ERBB4: variants seen among roughly 807,000 people sequenced by gnomAD.
ERBB4 encodes receptor tyrosine-protein kinase erbB-4.
A neutral mutation model predicts 158.0 loss-of-function variants in ERBB4; 42 were observed. That is an observed-to-expected ratio of 0.27 (90% CI 0.21 to 0.34). The LOEUF (loss-of-function observed/expected upper bound fraction) is 0.34, where lower values mean the gene tolerates loss of function less well. Among genes scored for constraint, ERBB4 ranks in the 10% least tolerant of loss-of-function variants. ERBB4 has a pLI of 1.00. For missense variants in ERBB4, 1,333 were observed against 1,624.1 expected, an observed-to-expected ratio of 0.82 and a Z score of 3.08; for synonymous variants, 583 against 558.7, an observed-to-expected ratio of 1.04 and a Z score of -0.61.
intron 20 of ERBB4, among the ~76,000 whole-genome samples, chr2:211,527,786 C>T (rs2066388153): frequency 6.6e-6 from 1 of 151,886 alleles, no homozygotes; most frequent in Non-Finnish European, 1.5e-5. Context: ...CAGCTGTTAT[C>T]AGCTAAAAAT....
At chr2:212,314,379 G>A (rs2087179479) in intron 1 of ERBB4, among the ~76,000 whole-genome samples, 1 of 149,520 alleles carries the variant, frequency 6.7e-6, no homozygotes, top group Admixed American at 6.7e-5. Flanking sequence ...TGAGTTAACA[G>A]CATCCCAAAG....
At chr2:211,576,219 G>A (rs1262308149) in intron 19 of ERBB4, among the ~76,000 whole-genome samples, 1 of 152,114 alleles carries the variant, frequency 6.6e-6, no homozygotes. Context: ...TAGTGCCTTT[G>A]TTTCAGGGGG....
chr2:212,233,644 T>C (rs1479293498), intron 1 of ERBB4, among the ~76,000 whole-genome samples: 2 of 152,168 alleles, frequency 1.3e-5, no homozygotes, highest in African/African-American at 4.8e-5. Flanking sequence ...GACTTCTTTT[T>C]AAAATTTTGT....
At chr2:211,919,748 T>C (rs2079806209) in intron 3 of ERBB4, among the ~76,000 whole-genome samples, 1 of 152,012 alleles carries the variant, frequency 6.6e-6, no homozygotes, top group Admixed American at 6.6e-5. Flanking sequence ...AAGTTGTTTA[T>C]GCATGGTCTG....
At chr2:211,410,477 A>G (rs958051120) in intron 25 of ERBB4, among the ~76,000 whole-genome samples, 1 of 152,246 alleles carries the variant, frequency 6.6e-6, no homozygotes, top group Non-Finnish European at 1.5e-5. Flanking sequence ...GAGAAAAATA[A>G]TAAGATTAAC....
At chr2:211,986,983 A>G (rs1451199842) in intron 2 of ERBB4, among the ~76,000 whole-genome samples, 1 of 152,212 alleles carries the variant, frequency 6.6e-6, no homozygotes, top group Admixed American at 6.5e-5. Context: ...AACACAAAAT[A>G]TAAATATTAA....
chr2:212,536,340 C>T (rs1012986259), intron 1 of ERBB4, among the ~76,000 whole-genome samples: 4 of 152,130 alleles, frequency 2.6e-5, no homozygotes, highest in Non-Finnish European at 5.9e-5. Flanking sequence ...AACGAAGTCC[C>T]CCGGGGCATT....
chr2:211,967,481 C>A (rs909689254), intron 2 of ERBB4, among the ~76,000 whole-genome samples: 3 of 151,952 alleles, frequency 2.0e-5, no homozygotes, highest in African/African-American at 4.8e-5. Context: ...TTTTAATTAT[C>A]ATTGGTAAGT....
At chr2:211,663,559 T>C (rs2071511564) in intron 15 of ERBB4, among the ~76,000 whole-genome samples, 1 of 152,106 alleles carries the variant, frequency 6.6e-6, no homozygotes, top group South Asian at 2.1e-4. Flanking sequence ...TCTCTTTTCA[T>C]TGCCTCATAT....
chr2:212,215,036 A>T (rs2083056632), intron 1 of ERBB4, among the ~76,000 whole-genome samples: 1 of 151,666 alleles, frequency 6.6e-6, no homozygotes, highest in Non-Finnish European at 1.5e-5. Context: ...CAAAACAGGC[A>T]AAGTTAACCT....
intron 3 of ERBB4, among the ~76,000 whole-genome samples, chr2:211,861,349 TG>T (rs773156475): frequency 0.075 from 3,317 of 44,250 alleles, 36 homozygotes; most frequent in Non-Finnish European, 0.11. Flanking sequence ...GTTTTTTTTT[TG>T]TTTTTTTTTT....
intron 1 of ERBB4, among the ~76,000 whole-genome samples, chr2:212,441,318 C>A (rs2092249622): frequency 6.6e-6 from 1 of 152,210 alleles, no homozygotes; most frequent in African/African-American, 2.4e-5. Flanking sequence ...CCTGAGGCAA[C>A]AGTGATAGCC....
At chr2:211,602,498 C>A (rs1443990543) in intron 19 of ERBB4, among the ~76,000 whole-genome samples, 2 of 152,086 alleles carry the variant, frequency 1.3e-5, no homozygotes, top group African/African-American at 4.8e-5. Context: ...ACAACTCCAA[C>A]CTGGCTAAAC....
intron 3 of ERBB4, among the ~76,000 whole-genome samples, chr2:211,905,915 T>A (rs72933735): frequency 0.064 from 9,688 of 150,218 alleles, 476 homozygotes; most frequent in Non-Finnish European, 0.093. Context: ...ACCAAAGAGG[T>A]AGGGTGTTTG....
intron 1 of ERBB4, among the ~76,000 whole-genome samples, chr2:212,442,088 C>T (rs892332544): frequency 4.6e-5 from 7 of 152,150 alleles, no homozygotes; most frequent in South Asian, 2.1e-4. Context: ...CCATAATGGA[C>T]AGCAGAGACA....
At chr2:211,921,736 G>C (rs1163487668) in intron 3 of ERBB4, among the ~76,000 whole-genome samples, 1 of 152,084 alleles carries the variant, frequency 6.6e-6, no homozygotes, top group Non-Finnish European at 1.5e-5. Context: ...TCACGGCATA[G>C]TTTTTGAACT....
intron 1 of ERBB4, among the ~76,000 whole-genome samples, chr2:212,324,479 G>GTTTTTTTTT (rs67844263): frequency 1.2e-5 from 1 of 83,372 alleles, no homozygotes. Flanking sequence ...CGGGTTTTTT[G>GTTTTTTTTT]TTTTTGTTTT....
intron 1 of ERBB4, among the ~76,000 whole-genome samples, chr2:212,413,817 A>G (rs1347519823): frequency 6.6e-6 from 1 of 152,220 alleles, no homozygotes; most frequent in Non-Finnish European, 1.5e-5. Context: ...ACAATACTTC[A>G]ATTATCTTCC....
At chr2:212,503,360 G>A (rs955372847) in intron 1 of ERBB4, among the ~76,000 whole-genome samples, 1 of 152,124 alleles carries the variant, frequency 6.6e-6, no homozygotes, top group African/African-American at 2.4e-5. Flanking sequence ...CAGTCTAAAT[G>A]TTGTCCTCCA....
Sources: gnomAD v4.1 joint callset for allele counts (sites outside exome capture counted in the v4.1 genomes callset) on GRCh38, gnomAD v4.1.1 for gene constraint, MANE v1.5 for transcripts, NCBI Gene and HGNC (gene_info 2026-07-23, HGNC 2026-07-21) for gene names.